Variants in SPRED2 observed in about 807,000 individuals in gnomAD.
SPRED2 encodes the protein sprouty-related, EVH1 domain-containing protein 2.
SPRED2 carries 47 observed loss-of-function variants against 43.0 expected under a neutral mutation model. The ratio of observed to expected loss-of-function variants is 1.09; its 90% CI spans 0.87 to 1.40. SPRED2 has a LOEUF of 1.40. Ranked by LOEUF, SPRED2 falls within the 40% of genes most tolerant of loss-of-function variation. The pLI is 0.00. For synonymous variants in SPRED2, 225 were observed against 225.7 expected (o/e 1.00, Z 0.03); for missense variants, 561 against 586.4 (o/e 0.96, Z 0.45).
intron 1 of SPRED2, among the ~76,000 whole-genome samples, chr2:65,379,042 G>A (rs1675309637): frequency 6.6e-6 from 1 of 152,086 alleles, no homozygotes; most frequent in Non-Finnish European, 1.5e-5. Flanking sequence ...CAAGTCTGGG[G>A]TCCAGGCTGA....
chr2:65,404,462 G>C (rs969365630), intron 1 of SPRED2, among the ~76,000 whole-genome samples: 3 of 152,180 alleles, frequency 2.0e-5, no homozygotes, highest in Non-Finnish European at 4.4e-5. Flanking sequence ...CTCTTTATTG[G>C]ATGGCTAAAC....
At chr2:65,331,240 AC>A (rs1299639501) in intron 4 of SPRED2, among the ~76,000 whole-genome samples, 1 of 152,214 alleles carries the variant, frequency 6.6e-6, no homozygotes, top group Non-Finnish European at 1.5e-5. Flanking sequence ...ATACAGCGAA[AC>A]CCCATCTTTG....
At position 65,432,327 on chromosome 2, in the gene SPRED2, G is replaced by C; in HGVS notation, c.-340C>G. Reference sequence around the variant, plus strand: ...GAGAAAAACAAGCGCGCCTCGGAGCGGCAGGGACTGCTGCGAGGAGGAGGA... The same window carrying C: ...GAGAAAAACAAGCGCGCCTCGGAGCCGCAGGGACTGCTGCGAGGAGGAGGA... On this transcript the variant is annotated 5_prime_UTR_variant, in exon 1 of 6. Coordinates refer to ENST00000356388, the MANE Select transcript of SPRED2 (RefSeq NM_181784.3). The C allele has an allele frequency of 3.7e-6, 1 of 269,904 alleles. No individual in the cohort carries two copies. Among genetic ancestry groups the C allele is most frequent in the Non-Finnish European group, 7.2e-6 (1 of 138,692 alleles). The allele number at this position is 269,904 out of a possible 1,614,324, so 16.7% of individuals were successfully genotyped here.
Position 65,311,058 on chromosome 2 carries a change from T to C in SPRED2, c.*2443A>G. 2 of 985,672 alleles carry C rather than the reference T, an allele frequency of 2.0e-6. No individual in the cohort carries two copies. The highest frequency in any genetic ancestry group is 2.4e-6 in the Non-Finnish European group (2 of 829,756). The allele number at this position is 985,672 out of a possible 1,614,324, so 61.1% of individuals were successfully genotyped here. On this transcript the variant is annotated 3_prime_UTR_variant, in exon 6 of 6. Coordinates refer to ENST00000356388, the MANE Select transcript of SPRED2 (RefSeq NM_181784.3). ...TATACAGGTAAAGAATGAATTATGCTTCAGGCACTTTAATTTGTTAATGTG... is the reference window on the plus strand; with the variant it reads ...TATACAGGTAAAGAATGAATTATGCCTCAGGCACTTTAATTTGTTAATGTG...
chr2:65,408,693 G>A (rs1388648569), intron 1 of SPRED2, among the ~76,000 whole-genome samples: 1 of 151,606 alleles, frequency 6.6e-6, no homozygotes, highest in Non-Finnish European at 1.5e-5. Context: ...CAATTCTTCT[G>A]CCTCAGCCTC....
chr2:65,318,728 G>A (rs542097534), intron 4 of SPRED2, among the ~76,000 whole-genome samples: 24 of 151,752 alleles, frequency 1.6e-4, no homozygotes, highest in Non-Finnish European at 2.9e-4. Flanking sequence ...CTGGAGTGCC[G>A]TGGCATGAAC....
chr2:65,329,472 T>C (rs74914544), intron 4 of SPRED2, among the ~76,000 whole-genome samples: 3,795 of 152,310 alleles, frequency 0.025, 156 homozygotes, highest in African/African-American at 0.085. Context: ...CTATACAGAA[T>C]ACAAGAAATT....
chr2:65,381,834 A>G (rs941907784), intron 1 of SPRED2, among the ~76,000 whole-genome samples: 1 of 152,228 alleles, frequency 6.6e-6, no homozygotes, highest in Non-Finnish European at 1.5e-5. Context: ...TCCTCCTTGC[A>G]ACAGGGAATT....
chr2:65,422,735 C>T (rs141349396), intron 1 of SPRED2, among the ~76,000 whole-genome samples: 70 of 152,138 alleles, frequency 4.6e-4, no homozygotes, highest in Middle Eastern at 3.4e-3. Context: ...TTAGAATGGA[C>T]GGTAAGGTCT....
In SPRED2 at chr2:65,360,089, CAAAAAAAAAACA is replaced by C. The variant is rs1674765416; in HGVS notation, c.27-15205_27-15194del. ...CAAAAAAAAAAAAAACAAAAAAAAA[CAAAAAAAAAACA>C]AAAAAAAAAAAAACAAAGACCAAAA... On this transcript the variant is annotated intron_variant, in intron 1 of 5. Coordinates refer to ENST00000356388, the MANE Select transcript of SPRED2 (RefSeq NM_181784.3). Among the ~76,000 whole-genome samples the C allele has an allele frequency of 7.2e-3, 311 of 43,122 alleles. 2 individuals carry two copies. The highest frequency in any genetic ancestry group is 0.018 in the East Asian group (22 of 1,194). 28.3% of individuals were successfully genotyped at this position (43,122 alleles called of 152,430 possible).
At chr2:65,337,425 C>T (rs1673998448) in intron 2 of SPRED2, among the ~76,000 whole-genome samples, 1 of 151,992 alleles carries the variant, frequency 6.6e-6, no homozygotes, top group Non-Finnish European at 1.5e-5. Flanking sequence ...AAAAACTACA[C>T]AAGAAATACA....
chr2:65,321,466 G>A (rs573436676), intron 4 of SPRED2, among the ~76,000 whole-genome samples: 1 of 128,460 alleles, frequency 7.8e-6, no homozygotes, highest in South Asian at 2.6e-4. Context: ...GAAGTCAAGA[G>A]TTCGAGACCA....
Position 65,313,359 on chromosome 2 carries a change from G to C in SPRED2, c.*142C>G. On this transcript the variant is annotated 3_prime_UTR_variant, in exon 6 of 6. Coordinates refer to ENST00000356388, the MANE Select transcript of SPRED2 (RefSeq NM_181784.3). ...CCCGGCAGCGTCCCTGGCTGGAATG[G>C]TGCCTCGAGGTACCAGGGAGCTGGG... 1 of 1,491,594 alleles carries C rather than the reference G, an allele frequency of 6.7e-7. No individual in the cohort carries two copies. The highest frequency in any genetic ancestry group is 1.4e-5 in the South Asian group (1 of 73,284). The allele number at this position is 1,491,594 out of a possible 1,614,324, so 92.4% of individuals were successfully genotyped here. A position where few individuals can be genotyped will look rare whatever the true frequency, so the allele number is the denominator to read the frequency against.
intron 1 of SPRED2, among the ~76,000 whole-genome samples, chr2:65,421,698 G>A (rs933634417): frequency 6.6e-6 from 1 of 151,924 alleles, no homozygotes; most frequent in African/African-American, 2.4e-5. Context: ...CACCTGGATT[G>A]GCACTGGCTC....
intron 1 of SPRED2, chr2:65,380,639 G>C (rs1675350616): frequency 6.6e-6 from 1 of 152,172 alleles, no homozygotes; most frequent in South Asian, 2.1e-4. Flanking sequence ...TGCCAAGTAT[G>C]GCCCCCACTT....
chr2:65,423,324 A>T (rs1443583534), intron 1 of SPRED2, among the ~76,000 whole-genome samples: 1 of 152,234 alleles, frequency 6.6e-6, no homozygotes, highest in Non-Finnish European at 1.5e-5. Context: ...GGAGCCAAGG[A>T]TGCTATTACA....
intron 4 of SPRED2, among the ~76,000 whole-genome samples, chr2:65,322,268 C>CTA (rs1558649721): frequency 3.0e-3 from 116 of 38,336 alleles, no homozygotes; most frequent in Non-Finnish European, 4.0e-3. Context: ...CTCTCTCTCT[C>CTA]TCTATATATA....
At chr2:65,361,562 T>C (rs1167760372) in intron 1 of SPRED2, among the ~76,000 whole-genome samples, 1 of 152,252 alleles carries the variant, frequency 6.6e-6, no homozygotes, top group Non-Finnish European at 1.5e-5. Context: ...TCCCTTTTCA[T>C]CTCTTGTATT....
At chr2:65,428,905 G>A (rs1294573479) in intron 1 of SPRED2, among the ~76,000 whole-genome samples, 4 of 152,220 alleles carry the variant, frequency 2.6e-5, no homozygotes, top group South Asian at 2.1e-4. Context: ...CACAGAGGAC[G>A]ACTTACAATA....
Sources: allele counts gnomAD v4.1 joint callset (sites outside exome capture counted in the v4.1 genomes callset), GRCh38; gene constraint gnomAD v4.1.1; transcripts MANE v1.5; gene names NCBI Gene and HGNC (gene_info 2026-07-23, HGNC 2026-07-21).